The following PTPRD variants were observed in gnomAD, a reference collection of about 807,000 sequenced individuals.
PTPRD encodes receptor-type tyrosine-protein phosphatase delta.
A neutral mutation model predicts 214.5 loss-of-function variants in PTPRD; 34 were observed. The observed-to-expected ratio is 0.16, with a 90% confidence interval of 0.12 to 0.21. PTPRD has a LOEUF of 0.21. PTPRD is among the 10% of genes least tolerant of loss of function. The pLI, the probability that PTPRD is intolerant of heterozygous loss-of-function variation, is 1.00. For synonymous variants in PTPRD, 1,128 were observed against 845.7 expected (o/e 1.33, Z -5.79); for missense variants, 2,545 against 2,398.7 (o/e 1.06, Z -1.27).
intron 2 of PTPRD, among the ~76,000 whole-genome samples, chr9:10,591,698 A>G (rs78977974): frequency 6.6e-6 from 1 of 151,958 alleles, no homozygotes; most frequent in Admixed American, 6.6e-5. Flanking sequence ...GCCTCATGGA[A>G]TTCTCATACT....
chr9:10,390,178 T>C (rs1460736935), intron 2 of PTPRD, among the ~76,000 whole-genome samples: 1 of 151,856 alleles, frequency 6.6e-6, no homozygotes, highest in African/African-American at 2.4e-5. Context: ...TCATATGCTG[T>C]ATATCTTACT....
In PTPRD at chr9:9,170,462, C is replaced by T. The variant is rs189420418; in HGVS notation, c.-143+12842G>A. Among the ~76,000 whole-genome samples, 1,225 of 152,250 alleles carry T rather than the reference C, an allele frequency of 8.0e-3. 20 individuals carry two copies. Among genetic ancestry groups the T allele is most frequent in the Non-Finnish European group, 5.9e-3 (404 of 68,020 alleles). ...TTCCTGCTTTTGCTACCTCATTAAT[C>T]CTAAATGGTGTCAGTCAGTTGAGTC... On this transcript the variant is annotated intron_variant, in intron 10 of 45. Transcript: ENST00000381196.
intron 7 of PTPRD, among the ~76,000 whole-genome samples, chr9:9,626,493 T>A (rs1351405173): frequency 2.0e-5 from 3 of 152,114 alleles, no homozygotes; most frequent in Admixed American, 6.5e-5. Flanking sequence ...GCTTCAAATA[T>A]TGAAACCTGT....
intron 14 of PTPRD, among the ~76,000 whole-genome samples, chr9:8,565,184 A>G (rs1305163299): frequency 6.6e-6 from 1 of 152,152 alleles, no homozygotes; most frequent in Non-Finnish European, 1.5e-5. Flanking sequence ...TGGTCACAGG[A>G]ACAGGGAGGA....
At chr9:10,343,804 T>C (rs1187405193) in intron 2 of PTPRD, among the ~76,000 whole-genome samples, 1 of 151,990 alleles carries the variant, frequency 6.6e-6, no homozygotes, top group Non-Finnish European at 1.5e-5. Flanking sequence ...TCATATCCTT[T>C]GCCCACTTTT....
chr9:8,461,080 G>C (rs1245924120), intron 32 of PTPRD, among the ~76,000 whole-genome samples: 2 of 152,024 alleles, frequency 1.3e-5, no homozygotes, highest in Non-Finnish European at 1.5e-5. Context: ...GTAGTCATTA[G>C]TACTACTGTG....
intron 9 of PTPRD, among the ~76,000 whole-genome samples, chr9:9,234,010 C>T (rs891117170): frequency 6.6e-6 from 1 of 152,116 alleles, no homozygotes; most frequent in Non-Finnish European, 1.5e-5. Context: ...CTAGGTAGTG[C>T]CCCGGTGGGG....
At chr9:8,817,137 G>A (rs1444569160) in intron 11 of PTPRD, among the ~76,000 whole-genome samples, 5 of 152,172 alleles carry the variant, frequency 3.3e-5, no homozygotes, top group Non-Finnish European at 7.4e-5. Context: ...TTATGTTACT[G>A]ACATAGTTTC....
chr9:10,569,505 G>GTCTCTC (rs141331871), intron 2 of PTPRD, among the ~76,000 whole-genome samples: 5 of 143,388 alleles, frequency 3.5e-5, no homozygotes, highest in East Asian at 2.0e-4. Context: ...GTATATGCAT[G>GTCTCTC]TCTCTCTCTC....
chr9:9,178,565 T>C (rs142361173), intron 10 of PTPRD, among the ~76,000 whole-genome samples: 8 of 152,204 alleles, frequency 5.3e-5, no homozygotes, highest in Non-Finnish European at 1.0e-4. Context: ...GTTCTAATAT[T>C]CTCTGACCAT....
chr9:9,491,187 A>G (rs1021776566), intron 8 of PTPRD, among the ~76,000 whole-genome samples: 6 of 151,958 alleles, frequency 3.9e-5, no homozygotes, highest in African/African-American at 1.4e-4. Context: ...TTTAAATCAA[A>G]CATTTACAAG....
chr9:10,106,664 C>T (rs1296737806), intron 3 of PTPRD, among the ~76,000 whole-genome samples: 1 of 151,230 alleles, frequency 6.6e-6, no homozygotes, highest in African/African-American at 2.4e-5. Flanking sequence ...AGAATAGTGA[C>T]AAGAAATGTT....
chr9:9,229,857 G>T (rs1260561182), intron 9 of PTPRD, among the ~76,000 whole-genome samples: 1 of 152,034 alleles, frequency 6.6e-6, no homozygotes, highest in African/African-American at 2.4e-5. Flanking sequence ...ATTTGGTTAG[G>T]AAGACTGATA....
intron 7 of PTPRD, among the ~76,000 whole-genome samples, chr9:9,597,681 A>T (rs2093456329): frequency 6.6e-6 from 1 of 152,032 alleles, no homozygotes; most frequent in Admixed American, 6.6e-5. Context: ...TGATTTGTGG[A>T]AAAAAGATAT....
intron 11 of PTPRD, among the ~76,000 whole-genome samples, chr9:8,818,623 G>T (rs1406713107): frequency 6.6e-6 from 1 of 152,290 alleles, no homozygotes; most frequent in East Asian, 1.9e-4. Context: ...TAAGTCTCCA[G>T]AATGCAAAAT....
chr9:9,982,078 T>C (rs2095560490), intron 4 of PTPRD, among the ~76,000 whole-genome samples: 1 of 152,206 alleles, frequency 6.6e-6, no homozygotes, highest in Non-Finnish European at 1.5e-5. Flanking sequence ...GGAAACAGTA[T>C]GCCTCTCCTT....
chr9:10,394,791 A>AC (rs5896392), intron 2 of PTPRD, among the ~76,000 whole-genome samples: 132,751 of 151,690 alleles, frequency 0.88, 58,136 homozygotes, highest in African/African-American at 0.93. Context: ...AATAGAATAA[A>AC]CGTCAATATA....
chr9:9,815,921 A>G (rs12552604), intron 5 of PTPRD, among the ~76,000 whole-genome samples: 1 of 152,188 alleles, frequency 6.6e-6, no homozygotes, highest in South Asian at 2.1e-4. Context: ...CTCACCACAC[A>G]TACACAAATG....
chr9:9,175,990 G>T (rs148918800), intron 10 of PTPRD, among the ~76,000 whole-genome samples: 1 of 152,132 alleles, frequency 6.6e-6, no homozygotes, highest in Non-Finnish European at 1.5e-5. Flanking sequence ...ATCTTCTATA[G>T]CTGAGTCTGC....
Sources: allele counts gnomAD v4.1 joint callset (sites outside exome capture counted in the v4.1 genomes callset), GRCh38; gene constraint gnomAD v4.1.1; transcripts MANE v1.5; gene names NCBI Gene and HGNC (gene_info 2026-07-23, HGNC 2026-07-21).